The following SEC14L1 variants were observed in gnomAD, a reference collection of about 807,000 sequenced individuals.
The protein encoded by SEC14L1 is SEC14 like lipid binding 1.
In SEC14L1, 48 loss-of-function variants were observed where a neutral mutation model predicts 85.3. The ratio of observed to expected loss-of-function variants is 0.56; its 90% CI spans 0.45 to 0.72. SEC14L1 has a LOEUF of 0.72. SEC14L1 is among the 30% of genes least tolerant of loss of function. The pLI is 0.00. For missense variants in SEC14L1, 682 were observed against 921.4 expected (o/e 0.74, Z 3.36); for synonymous variants, 391 against 355.5 (o/e 1.10, Z -1.12).
chr17:77,216,945 A>G lies in SEC14L1; in HGVS notation c.*2922A>G, dbSNP rs1238540495. 2.1e-5 allele frequency: 4 copies of G among 191,902 alleles called. No individual in the cohort carries two copies. Among genetic ancestry groups the G allele is most frequent in the Non-Finnish European group, 4.4e-5 (4 of 91,650 alleles). The allele number at this position is 191,902 out of a possible 1,614,324, so 11.9% of individuals were successfully genotyped here. ...ATGATTCTTTGATTCTCCCTCTATT[A>G]TGTCTTAATTCACTTTCCTTCCTAA... On this transcript the variant is annotated 3_prime_UTR_variant, in exon 17 of 17. Coordinates refer to ENST00000436233, the MANE Select transcript of SEC14L1 (RefSeq NM_001143998.2).
intron 3 of SEC14L1, among the ~76,000 whole-genome samples, chr17:77,163,840 T>C (rs1330871541): frequency 1.3e-5 from 2 of 152,212 alleles, no homozygotes; most frequent in East Asian, 1.9e-4. Flanking sequence ...GCAATTCTCT[T>C]TTCCCAAATG....
In SEC14L1 at chr17:77,194,958, G is replaced by A. The variant is rs193301226; in HGVS notation, c.709+47G>A. 3.6e-5 allele frequency: 51 copies of A among 1,431,788 alleles called. No individual in the cohort carries two copies. In the African/African-American group the frequency reaches 6.8e-4, roughly 19 times the overall value. The allele number at this position is 1,431,788 out of a possible 1,614,324, so 88.7% of individuals were successfully genotyped here. A position where few individuals can be genotyped will look rare whatever the true frequency, so the allele number is the denominator to read the frequency against. On this transcript the variant is annotated intron_variant, in intron 7 of 16. Transcript: ENST00000436233. ...TCCCGAGAGCAAGGCTAGGGAAGTC[G>A]GCGTTGCCGTTTTCTCTCTGTTTGC...
At chr17:77,114,006 C>T (rs777810883) in intron 3 of SEC14L1, among the ~76,000 whole-genome samples, 12 of 152,208 alleles carry the variant, frequency 7.9e-5, no homozygotes, top group Non-Finnish European at 1.2e-4. Context: ...AAATGCTCCC[C>T]AGGCACAGCC....
At chr17:77,174,879 G>A (rs1974681290) in intron 3 of SEC14L1, among the ~76,000 whole-genome samples, 1 of 152,214 alleles carries the variant, frequency 6.6e-6, no homozygotes, top group African/African-American at 2.4e-5. Context: ...GGAGGGAAGG[G>A]GTTTTTATCC....
At chr17:77,178,296 T>G (rs1320384547) in intron 3 of SEC14L1, among the ~76,000 whole-genome samples, 1 of 152,104 alleles carries the variant, frequency 6.6e-6, no homozygotes, top group African/African-American at 2.4e-5. Context: ...AAACACAGTG[T>G]GGGTGTCACT....
intron 3 of SEC14L1, among the ~76,000 whole-genome samples, chr17:77,169,992 T>C (rs376733567): frequency 2.1e-4 from 32 of 152,294 alleles, no homozygotes; most frequent in African/African-American, 7.2e-4. Flanking sequence ...CTACCAGTTA[T>C]AGGATCGGCC....
chr17:77,173,674 G>A (rs369944116), intron 3 of SEC14L1, among the ~76,000 whole-genome samples: 1 of 152,222 alleles, frequency 6.6e-6, no homozygotes, highest in Non-Finnish European at 1.5e-5. Context: ...CTGATGGTTT[G>A]AGGATAGTTT....
chr17:77,196,708 G>C (rs1196851064), intron 8 of SEC14L1, among the ~76,000 whole-genome samples: 2 of 152,140 alleles, frequency 1.3e-5, no homozygotes, highest in African/African-American at 4.8e-5. Flanking sequence ...AAATTTTTAT[G>C]GTAAGCCTTA....
chr17:77,133,397 G>C (rs1037407365), intron 3 of SEC14L1, among the ~76,000 whole-genome samples: 10 of 152,236 alleles, frequency 6.6e-5, no homozygotes, highest in African/African-American at 2.4e-4. Flanking sequence ...GCCTATGCAG[G>C]TGTGACCAGG....
intron 3 of SEC14L1, chr17:77,128,224 T>C (rs1319197663): frequency 1.3e-5 from 2 of 152,090 alleles, no homozygotes; most frequent in Non-Finnish European, 2.9e-5. Context: ...AGCGTGGTTG[T>C]TCCTTCCTGG....
chr17:77,166,832 C>G (rs556535129), intron 3 of SEC14L1, among the ~76,000 whole-genome samples: 1 of 152,192 alleles, frequency 6.6e-6, no homozygotes, highest in African/African-American at 2.4e-5. Context: ...GAGCAAGACT[C>G]AGTCTCAAAA....
chr17:77,180,611 G>C (rs541529499), intron 3 of SEC14L1, among the ~76,000 whole-genome samples: 63 of 152,220 alleles, frequency 4.1e-4, no homozygotes, highest in African/African-American at 1.5e-3. Context: ...TCTCACTGAA[G>C]ACTGGTACCC....
At position 77,206,075 on chromosome 17, in the gene SEC14L1, A is replaced by C. The variant is rs1219435902; in HGVS notation, c.1170-154A>C. Among the ~76,000 whole-genome samples the C allele has an allele frequency of 2.0e-5, 3 of 152,242 alleles. No homozygotes were observed. Among genetic ancestry groups the C allele is most frequent in the Non-Finnish European group, 4.4e-5 (3 of 68,048 alleles). On this transcript the variant is annotated intron_variant, in intron 11 of 16. Transcript: ENST00000436233. This position sits in a 1 kb window ranked among gnomAD's most constrained non-coding sequence, Gnocchi z 4.3. ...GTGTTTTGTACAAGTAGATATAAAC[A>C]GGGTTCATAGCACTATACATAGCAC...
chr17:77,146,547 T>C (rs1389877081), intron 3 of SEC14L1, among the ~76,000 whole-genome samples: 3 of 152,216 alleles, frequency 2.0e-5, no homozygotes. Context: ...TAAACCATTT[T>C]AAAACTATTG....
chr17:77,103,285 G>T (rs565160946), intron 3 of SEC14L1, among the ~76,000 whole-genome samples: 11 of 151,440 alleles, frequency 7.3e-5, no homozygotes, highest in African/African-American at 2.7e-4. Context: ...GCTAATTTTT[G>T]TATTTTTAGT....
At chr17:77,094,937 A>G (rs551355501) in intron 3 of SEC14L1, 31 of 122,922 alleles carry the variant, frequency 2.5e-4, no homozygotes, top group South Asian at 6.7e-4. Flanking sequence ...TATACTGGGG[A>G]AAAAAAAAGT....
intron 3 of SEC14L1, among the ~76,000 whole-genome samples, chr17:77,121,345 T>A (rs189068381): frequency 6.6e-6 from 1 of 152,310 alleles, no homozygotes; most frequent in African/African-American, 2.4e-5. Flanking sequence ...CACTATTTAT[T>A]GAGGCCATAT....
chr17:77,131,487 C>T (rs894121511), intron 3 of SEC14L1, among the ~76,000 whole-genome samples: 2 of 152,138 alleles, frequency 1.3e-5, no homozygotes, highest in Non-Finnish European at 2.9e-5. Context: ...CCAGGCTGGT[C>T]TCAAACTCCT....
chr17:77,195,265 G>A (rs1824589870), intron 7 of SEC14L1, among the ~76,000 whole-genome samples: 1 of 151,650 alleles, frequency 6.6e-6, no homozygotes, highest in Non-Finnish European at 1.5e-5. Flanking sequence ...CAAAGTGCTG[G>A]GATTATAGGT....
Sources: gnomAD v4.1 joint callset for allele counts (sites outside exome capture counted in the v4.1 genomes callset) on GRCh38, gnomAD v4.1.1 for gene constraint, Gnocchi (gnomAD v3.1) non-coding constraint, MANE v1.5 for transcripts, NCBI Gene and HGNC (gene_info 2026-07-23, HGNC 2026-07-21) for gene names.